CDKN2A: variants seen among roughly 807,000 people sequenced by gnomAD.
CDKN2A encodes cyclin dependent kinase inhibitor 2A.
CDKN2A carries 3 observed loss-of-function variants against 11.1 expected under a neutral mutation model. The observed-to-expected ratio is 0.27, with a 90% CI of 0.12 to 0.70. The LOEUF (loss-of-function observed/expected upper bound fraction) is 0.70, where lower values mean the gene tolerates loss of function less well. CDKN2A is among the 30% of genes least tolerant of loss of function. CDKN2A has a pLI of 0.77. For synonymous variants in CDKN2A, 122 were observed against 108.1 expected, an observed-to-expected ratio of 1.13 and a Z score of -0.80; for missense variants, 265 against 233.6, an observed-to-expected ratio of 1.13 and a Z score of -0.88.
chr9:21,991,185 A>G lies in CDKN2A; in HGVS notation c.-4+2697T>C, dbSNP rs896785988. 4.6e-5 allele frequency among the ~76,000 whole-genome samples: 7 copies of G among 152,148 alleles called. No homozygotes were observed. The highest frequency in any genetic ancestry group is 3.9e-4 in the Admixed American group (6 of 15,262). ...TCAGGCTGGGCTTTGCAGCAGATGGAGGAGCTAGGGCAAGCTTGTCCAACC... is the reference window on the plus strand; with the variant it reads ...TCAGGCTGGGCTTTGCAGCAGATGGGGGAGCTAGGGCAAGCTTGTCCAACC... On this transcript the variant is annotated intron_variant, in intron 2 of 3. Coordinates refer to the CDKN2A transcript ENST00000494262. This position sits in a 1 kb window ranked among gnomAD's most constrained non-coding sequence, Gnocchi z 5.2.
chr9:21,978,333 T>C (rs1036019016), upstream of CDKN2A, among the ~76,000 whole-genome samples: 1 of 152,068 alleles, frequency 6.6e-6, no homozygotes, highest in East Asian at 1.9e-4. Context: ...TCCTAGTTTT[T>C]CTGTTAAAGA....
chr9:21,967,754 A>G lies in CDKN2A; in HGVS notation c.*475T>C. 3.3e-6 allele frequency: 1 copy of G among 299,960 alleles called. No individual in the cohort carries two copies. Among genetic ancestry groups the G allele is most frequent in the Middle Eastern group, 1.1e-3 (1 of 942 alleles). The allele number at this position is 299,960 out of a possible 1,614,324, so 18.6% of individuals were successfully genotyped here. A position where few individuals can be genotyped will look rare whatever the true frequency, so the allele number is the denominator to read the frequency against. The stretch of plus-strand genomic sequence containing the variant: ...GCTCAATAAATGTTGACAATAAATG[A>G]GTGAATGAATGAAAATTATTTTATT... On this transcript the variant is annotated 3_prime_UTR_variant, in exon 3 of 3. Transcript: ENST00000304494.
upstream of CDKN2A, among the ~76,000 whole-genome samples, chr9:21,977,113 A>G (rs1382035004): frequency 1.3e-5 from 2 of 152,214 alleles, no homozygotes; most frequent in Admixed American, 1.3e-4. Context: ...AATGAAAACA[A>G]TTTGGGATGT....
Position 21,968,124 on chromosome 9 carries a change from T to G in CDKN2A, c.*105A>C. The G allele has an allele frequency of 1.0e-6, 1 of 983,724 alleles. No individual in the cohort carries two copies. The highest frequency in any genetic ancestry group is 1.7e-6 in the Non-Finnish European group (1 of 605,154). 60.9% of individuals were successfully genotyped at this position (983,724 alleles called of 1,614,324 possible). On this transcript the variant is annotated 3_prime_UTR_variant, in exon 3 of 3. Transcript: ENST00000304494. This position sits in a 1 kb window ranked among gnomAD's most constrained non-coding sequence, Gnocchi z 4.7. Reference sequence around the variant, plus strand: ...AAAGCTCTATTTTCTAAATGAAAACTACGAAAGCGGGGTGGGTTGTGGCGG... The same window carrying G: ...AAAGCTCTATTTTCTAAATGAAAACGACGAAAGCGGGGTGGGTTGTGGCGG...
chr9:21,968,467 A>G lies in CDKN2A; in HGVS notation c.458-225T>C. 1 of 1,481,298 alleles carries G rather than the reference A, an allele frequency of 6.8e-7. No homozygotes were observed. The highest frequency in any genetic ancestry group is 1.4e-5 in the African/African-American group (1 of 71,572). The allele number at this position is 1,481,298 out of a possible 1,614,324, so 91.8% of individuals were successfully genotyped here. ...GCTGCTCCAGGCGCGCCGACCGCTC[A>G]AGCGCTCCAGGTCCACCCGGCGGAG... On this transcript the variant is annotated intron_variant, in intron 2 of 2. Coordinates refer to ENST00000304494, the MANE Select transcript of CDKN2A (RefSeq NM_000077.5). The surrounding 1 kb of genome is among the most constrained non-coding windows in gnomAD (Gnocchi z 4.7).
Position 21,974,458 on chromosome 9 carries a change from T to C in CDKN2A, c.150+220A>G, listed in dbSNP as rs2131109129. Reference sequence around the variant, plus strand: ...TCAGATCTTCTCAGCATTCGAGAGATCTGTACGCGCGTGGCTCCTCATTCC... The same window carrying C: ...TCAGATCTTCTCAGCATTCGAGAGACCTGTACGCGCGTGGCTCCTCATTCC... On this transcript the variant is annotated intron_variant, in intron 1 of 2. Coordinates refer to ENST00000304494, the MANE Select transcript of CDKN2A (RefSeq NM_000077.5). This position sits in a 1 kb window ranked among gnomAD's most constrained non-coding sequence, Gnocchi z 5.2. 6 of 1,609,284 alleles carry C rather than the reference T, an allele frequency of 3.7e-6. No individual in the cohort carries two copies. Among genetic ancestry groups the C allele is most frequent in the Non-Finnish European group, 5.1e-6 (6 of 1,179,264 alleles).
chr9:21,991,753 C>G lies in CDKN2A; in HGVS notation c.-4+2129G>C, dbSNP rs3731194. 0.014 allele frequency: 14,165 copies of G among 984,980 alleles called. 289 individuals are homozygous for G. The highest frequency in any genetic ancestry group is 0.091 in the African/African-American group (5,193 of 57,234). The allele number at this position is 984,980 out of a possible 1,614,324, so 61.0% of individuals were successfully genotyped here. ...GGATCATAATGGACTTTCTAAAATT[C>G]AAGAGTACTCAAAGAAGTAAAATGA... On this transcript the variant is annotated intron_variant, in intron 2 of 3. Coordinates refer to the CDKN2A transcript ENST00000494262. This position sits in a 1 kb window ranked among gnomAD's most constrained non-coding sequence, Gnocchi z 5.2.
intron 2 of CDKN2A, chr9:21,992,206 T>C: frequency 1.1e-6 from 1 of 921,972 alleles, no homozygotes; most frequent in Non-Finnish European, 1.3e-6. Flanking sequence ...TTTTAGCACT[T>C]GTGCCTCTCA....
At chr9:21,994,597 C>A in intron 1 of CDKN2A, 1 of 741,310 alleles carries the variant, frequency 1.3e-6, no homozygotes, top group East Asian at 3.5e-5. Flanking sequence ...GAAGGGCTGC[C>A]GGAGGCGCCC....
chr9:21,992,008 GAAGT>G (rs1398988206), intron 2 of CDKN2A: 1 of 984,580 alleles, frequency 1.0e-6, no homozygotes, highest in Non-Finnish European at 1.2e-6. Context: ...CACCAAGGTA[GAAGT>G]AACAAATCAA....
At chr9:21,976,794 C>T (rs1289141702), upstream of CDKN2A, among the ~76,000 whole-genome samples, 1 of 152,134 alleles carries the variant, frequency 6.6e-6, no homozygotes, top group East Asian at 1.9e-4. Flanking sequence ...GCACCCTCCA[C>T]CACCCTCACT....
chr9:21,968,484 C>G lies in CDKN2A; in HGVS notation c.458-242G>C. The stretch of plus-strand genomic sequence containing the variant: ...GACCGCTCAAGCGCTCCAGGTCCAC[C>G]CGGCGGAGGGCAGAGAAAGCGCGAC... On this transcript the variant is annotated intron_variant, in intron 2 of 2. Transcript: ENST00000304494. The surrounding 1 kb of genome is among the most constrained non-coding windows in gnomAD (Gnocchi z 4.7). 1 of 1,461,462 alleles carries G rather than the reference C, an allele frequency of 6.8e-7. No homozygotes were observed. 90.5% of individuals were successfully genotyped at this position (1,461,462 alleles called of 1,614,324 possible).
In CDKN2A at chr9:21,968,984, T is replaced by C. The variant is rs116178241; in HGVS notation, c.458-742A>G. On this transcript the variant is annotated intron_variant, in intron 2 of 2. Coordinates refer to ENST00000304494, the MANE Select transcript of CDKN2A (RefSeq NM_000077.5). This position sits in a 1 kb window ranked among gnomAD's most constrained non-coding sequence, Gnocchi z 4.7. Reference sequence around the variant, plus strand: ...GAGGCAGCATTTGCACTTGAGTTTCTTTCTCCCGTAGCTTGCATTAGATTC... The same window carrying C: ...GAGGCAGCATTTGCACTTGAGTTTCCTTCTCCCGTAGCTTGCATTAGATTC... Among the ~76,000 whole-genome samples, 284 of 152,334 alleles carry C rather than the reference T, an allele frequency of 1.9e-3. No homozygotes were observed. The highest frequency in any genetic ancestry group is 6.4e-3 in the African/African-American group (267 of 41,568).
At chr9:21,973,991 A>C (rs1394801302) in intron 1 of CDKN2A, among the ~76,000 whole-genome samples, 1 of 152,054 alleles carries the variant, frequency 6.6e-6, no homozygotes, top group East Asian at 1.9e-4. Context: ...CCCGGGTTCA[A>C]GCGATTCTCC....
chr9:21,975,212 C>A (rs977112533), upstream of CDKN2A: 121 of 1,056,846 alleles, frequency 1.1e-4, no homozygotes, highest in Non-Finnish European at 1.4e-4. Context: ...CCTCCCTGCT[C>A]CCAGCCGCGC....
chr9:21,986,313 G>T (rs2131134447), intron 2 of CDKN2A, among the ~76,000 whole-genome samples: 1 of 152,092 alleles, frequency 6.6e-6, no homozygotes, highest in South Asian at 2.1e-4. Context: ...AGTCATATGA[G>T]AATTTTTCAC....
At position 21,991,452 on chromosome 9, in the gene CDKN2A, C is replaced by T. The variant is rs72550819; in HGVS notation, c.-4+2430G>A. ...CTACTATGAAGTTTCAGTTTTAGTT[C>T]GGCCTAGAATGTTTTAGTACAGAAG... On this transcript the variant is annotated intron_variant, in intron 2 of 3. Coordinates refer to the CDKN2A transcript ENST00000494262. This position sits in a 1 kb window ranked among gnomAD's most constrained non-coding sequence, Gnocchi z 5.2. The T allele has an allele frequency of 2.0e-4, 32 of 161,008 alleles. No individual in the cohort carries two copies. The highest frequency in any genetic ancestry group is 3.1e-4 in the African/African-American group (13 of 41,738). The allele number at this position is 161,008 out of a possible 1,614,324, so 10.0% of individuals were successfully genotyped here.
intron 1 of CDKN2A, among the ~76,000 whole-genome samples, chr9:21,972,950 G>T (rs1416873286): frequency 1.3e-5 from 2 of 152,092 alleles, no homozygotes; most frequent in Non-Finnish European, 2.9e-5. Context: ...CCTAAATCAA[G>T]GAATTATACT....
intron 2 of CDKN2A, among the ~76,000 whole-genome samples, chr9:21,984,129 G>T (rs1820253229): frequency 6.6e-6 from 1 of 151,904 alleles, no homozygotes; most frequent in South Asian, 2.1e-4. Flanking sequence ...ATGTCCTTTT[G>T]AGTAATTTTT....
Sources: allele counts gnomAD v4.1 joint callset (sites outside exome capture counted in the v4.1 genomes callset), GRCh38; gene constraint gnomAD v4.1.1; non-coding constraint Gnocchi (gnomAD v3.1); transcripts MANE v1.5; gene names NCBI Gene and HGNC (gene_info 2026-07-23, HGNC 2026-07-21).